ZHX3: variants seen among roughly 807,000 people sequenced by gnomAD.
ZHX3 encodes the protein zinc fingers and homeoboxes protein 3.
ZHX3 carries 20 observed loss-of-function variants against 64.5 expected under a neutral mutation model. That is an observed-to-expected ratio of 0.31 (90% CI 0.22 to 0.45). The LOEUF is 0.45. ZHX3 is among the 20% of genes least tolerant of loss of function. ZHX3 has a pLI of 1.00. For missense variants in ZHX3, 1,041 were observed against 1,195.8 expected, an observed-to-expected ratio of 0.87 and a Z score of 1.91; for synonymous variants, 423 against 461.6, an observed-to-expected ratio of 0.92 and a Z score of 1.07.
chr20:41,258,314 C>T (rs2042375250), intron 2 of ZHX3, among the ~76,000 whole-genome samples: 1 of 152,158 alleles, frequency 6.6e-6, no homozygotes, highest in Non-Finnish European at 1.5e-5. Flanking sequence ...TAGCATCTTA[C>T]ATAACCATTG....
At position 41,228,177 on chromosome 20, in the gene ZHX3, C is replaced by T. The variant is rs1367085041; in HGVS notation, c.-150-23111G>A. On this transcript the variant is annotated intron_variant, in intron 2 of 3. Coordinates refer to ENST00000683867, the MANE Select transcript of ZHX3 (RefSeq NM_001384317.1). This position sits in a 1 kb window ranked among gnomAD's most constrained non-coding sequence, Gnocchi z 4.6. The stretch of plus-strand genomic sequence containing the variant: ...GCCCAGGACTTTGCAATCTCCTCTA[C>T]CCAAGAGATTTCCAAATCACCCTTG... Among the ~76,000 whole-genome samples the T allele has an allele frequency of 4.6e-5, 7 of 152,156 alleles. No homozygotes were observed.
Position 41,203,096 on chromosome 20 carries a change from C to A in ZHX3, c.1821G>T (p.Gln607His). 1 of 1,614,070 alleles carries A rather than the reference C, an allele frequency of 6.2e-7. No homozygotes were observed. Among genetic ancestry groups the A allele is most frequent in the Non-Finnish European group, 8.5e-7 (1 of 1,180,026 alleles). ...HPSAKRQSWH[Q>H]TPDFTPTKYK... ...ATTTGGTTGGTGTGAAGTCAGGAGTCTGGTGCCAAGATTGTCGTTTGGCAG... is the reference window on the plus strand; with the variant it reads ...ATTTGGTTGGTGTGAAGTCAGGAGTATGGTGCCAAGATTGTCGTTTGGCAG... Residue 607 changes from glutamine to histidine, a missense_variant, in exon 3 of 4, where the codon CAG (glutamine) becomes CAT (histidine). Gln to His is a conservative substitution (Grantham distance 24, BLOSUM62 0). Coordinates refer to ENST00000683867, the MANE Select transcript of ZHX3 (RefSeq NM_001384317.1). This position sits in a 1 kb window ranked among gnomAD's most constrained non-coding sequence, Gnocchi z 7.1.
In ZHX3 at chr20:41,204,647, G is replaced by A. The variant is rs147598427; in HGVS notation, c.270C>T (p.Thr90=). The A allele has an allele frequency of 1.9e-5, 31 of 1,614,182 alleles. No homozygotes were observed. Among genetic ancestry groups the A allele is most frequent in the African/African-American group, 2.7e-5 (2 of 75,034 alleles). Residue 90 remains threonine, a synonymous_variant, in exon 3 of 4, where the codon ACC becomes ACT. Coordinates refer to ENST00000683867, the MANE Select transcript of ZHX3 (RefSeq NM_001384317.1). This position sits in a 1 kb window ranked among gnomAD's most constrained non-coding sequence, Gnocchi z 6.6. ...CTGAGTTCATATGTCCCACAAATTG[G>A]GTCATGTCATGGGATCTGAAATCGC... ...KYCDFRSHDM[T]QFVGHMNSEH...
intron 1 of ZHX3, among the ~76,000 whole-genome samples, chr20:41,304,347 C>G (rs1424023180): frequency 1.3e-5 from 2 of 152,144 alleles, no homozygotes; most frequent in Admixed American, 6.5e-5. Flanking sequence ...TCTCCACAGT[C>G]CAGACCACTC....
rs2036138920 is a variant in ZHX3 at position 41,178,740 on chromosome 20, G to A, written c.*6451C>T. 1 of 152,506 alleles carries A rather than the reference G, an allele frequency of 6.6e-6. No homozygotes were observed. The highest frequency in any genetic ancestry group is 2.4e-5 in the African/African-American group (1 of 41,410). 9.4% of individuals were successfully genotyped at this position (152,506 alleles called of 1,614,324 possible). ...TTTTTTGTTAAAACGTTTACCCAGG[G>A]TAAAGAATTCCCATTCTACCCAAGG... On this transcript the variant is annotated 3_prime_UTR_variant, in exon 4 of 4. Coordinates refer to ENST00000683867, the MANE Select transcript of ZHX3 (RefSeq NM_001384317.1).
At chr20:41,211,657 A>G (rs774304773) in intron 2 of ZHX3, among the ~76,000 whole-genome samples, 7 of 152,234 alleles carry the variant, frequency 4.6e-5, no homozygotes, top group East Asian at 3.8e-4. Flanking sequence ...CACAAGCTTC[A>G]TAAGTTTAAC....
At chr20:41,279,656 C>T (rs1393005899) in intron 1 of ZHX3, among the ~76,000 whole-genome samples, 1 of 151,982 alleles carries the variant, frequency 6.6e-6, no homozygotes, top group Non-Finnish European at 1.5e-5. Context: ...TATAAAAATA[C>T]AAGAGTAATA....
Position 41,182,018 on chromosome 20 carries a change from G to C in ZHX3, c.*3173C>G, listed in dbSNP as rs2036269299. The C allele has an allele frequency of 6.6e-6, 1 of 152,114 alleles. No individual in the cohort carries two copies. The highest frequency in any genetic ancestry group is 2.1e-4 in the South Asian group (1 of 4,834). 9.4% of individuals were successfully genotyped at this position (152,114 alleles called of 1,614,324 possible). On this transcript the variant is annotated 3_prime_UTR_variant, in exon 4 of 4. Transcript: ENST00000683867. This position sits in a 1 kb window ranked among gnomAD's most constrained non-coding sequence, Gnocchi z 6.1. ...AGGGCGTTCTTTTTCAGGAACCCAA[G>C]ATTCTCAAAAATGACACTCCTCCCC...
chr20:41,306,782 G>A (rs182423219), intron 1 of ZHX3, among the ~76,000 whole-genome samples: 2 of 152,318 alleles, frequency 1.3e-5, no homozygotes, highest in African/African-American at 2.4e-5. Context: ...TGATTCCCAA[G>A]GGGATCAAAA....
intron 3 of ZHX3, among the ~76,000 whole-genome samples, chr20:41,194,787 C>T (rs1039296489): frequency 2.0e-5 from 3 of 152,078 alleles, no homozygotes; most frequent in Non-Finnish European, 2.9e-5. Flanking sequence ...TGGGAGAGTG[C>T]GGGTTTCTAG....
chr20:41,212,273 A>G lies in ZHX3; in HGVS notation c.-150-7207T>C, dbSNP rs939038107. Among the ~76,000 whole-genome samples, 1 of 152,206 alleles carries G rather than the reference A, an allele frequency of 6.6e-6. No homozygotes were observed. The highest frequency in any genetic ancestry group is 2.4e-5 in the African/African-American group (1 of 41,472). On this transcript the variant is annotated intron_variant, in intron 2 of 3. Coordinates refer to ENST00000683867, the MANE Select transcript of ZHX3 (RefSeq NM_001384317.1). The surrounding 1 kb of genome is among the most constrained non-coding windows in gnomAD (Gnocchi z 4.3). ...GATATACAAATGGCCAGTAAAGCACATAAAAAACTGCTCAACATCATTAGT... is the reference window on the plus strand; with the variant it reads ...GATATACAAATGGCCAGTAAAGCACGTAAAAAACTGCTCAACATCATTAGT...
chr20:41,280,322 C>G (rs949290648), intron 1 of ZHX3, among the ~76,000 whole-genome samples: 1 of 152,226 alleles, frequency 6.6e-6, no homozygotes, highest in East Asian at 1.9e-4. Flanking sequence ...TGGGCCCCAC[C>G]GCAATGCAAC....
In ZHX3 at chr20:41,185,046, T is replaced by A; in HGVS notation, c.*145A>T. 6.4e-7 allele frequency: 1 copy of A among 1,552,072 alleles called. No individual in the cohort carries two copies. Among genetic ancestry groups the A allele is most frequent in the Non-Finnish European group, 8.7e-7 (1 of 1,147,178 alleles). The stretch of plus-strand genomic sequence containing the variant: ...CCGAGGGTAGCGGCAGGCTCTGGGC[T>A]GTCTGCGAGGATTCTGGAAGCTCTC... On this transcript the variant is annotated 3_prime_UTR_variant, in exon 4 of 4. Transcript: ENST00000683867. This position sits in a 1 kb window ranked among gnomAD's most constrained non-coding sequence, Gnocchi z 5.0.
intron 2 of ZHX3, among the ~76,000 whole-genome samples, chr20:41,256,298 C>G (rs2042248518): frequency 6.6e-6 from 1 of 151,978 alleles, no homozygotes; most frequent in Non-Finnish European, 1.5e-5. Flanking sequence ...TAATACAGTG[C>G]CTGGCATATA....
chr20:41,203,626 A>G lies in ZHX3; in HGVS notation c.1291T>C (p.Leu431=). The G allele has an allele frequency of 9.9e-6, 16 of 1,614,182 alleles. No homozygotes were observed. The highest frequency in any genetic ancestry group is 1.4e-5 in the Non-Finnish European group (16 of 1,180,028). The change falls in exon 3 of 4, where the codon TTG becomes CTG. Residue 431 remains leucine (L), a synonymous_variant. Coordinates refer to ENST00000683867, the MANE Select transcript of ZHX3 (RefSeq NM_001384317.1). This position sits in a 1 kb window ranked among gnomAD's most constrained non-coding sequence, Gnocchi z 7.1. ...TGGGLLVTQP[L]MANGLQATSS... ...GTTGCTTGCAACCCATTGGCCATCA[A>G]TGGCTGAGTGACCAGAAGTCCCCCT...
At chr20:41,210,182 A>C (rs564253326) in intron 2 of ZHX3, among the ~76,000 whole-genome samples, 39 of 152,356 alleles carry the variant, frequency 2.6e-4, no homozygotes, top group African/African-American at 7.2e-4. Context: ...GCGACCATTA[A>C]AATGTCAGGA....
At chr20:41,295,740 A>C (rs1419396342) in intron 1 of ZHX3, among the ~76,000 whole-genome samples, 1 of 152,014 alleles carries the variant, frequency 6.6e-6, no homozygotes, top group Non-Finnish European at 1.5e-5. Flanking sequence ...AGTCCCAGCT[A>C]CTCAGGAGGC....
chr20:41,239,588 T>TGG (rs2041248399), intron 2 of ZHX3: 1 of 152,280 alleles, frequency 6.6e-6, no homozygotes, highest in Non-Finnish European at 1.5e-5. Flanking sequence ...GCAACAGGTG[T>TGG]GGGGTTTACC....
At chr20:41,216,675 G>A (rs920028973) in intron 2 of ZHX3, among the ~76,000 whole-genome samples, 6 of 151,972 alleles carry the variant, frequency 3.9e-5, no homozygotes, top group Non-Finnish European at 7.4e-5. Context: ...ACAATGACTC[G>A]GTGACCATCC....
Sources: allele counts gnomAD v4.1 joint callset (sites outside exome capture counted in the v4.1 genomes callset), GRCh38; gene constraint gnomAD v4.1.1; non-coding constraint Gnocchi (gnomAD v3.1); transcripts MANE v1.5; gene names NCBI Gene and HGNC (gene_info 2026-07-23, HGNC 2026-07-21).